Variants in MYO16 observed in about 807,000 individuals in gnomAD.
MYO16 encodes unconventional myosin-XVI.
MYO16 carries 94 observed loss-of-function variants against 205.3 expected under a neutral mutation model. The ratio of observed to expected loss-of-function variants is 0.46; its 90% CI spans 0.39 to 0.54. MYO16 has a LOEUF of 0.54. Among genes scored for constraint, MYO16 ranks in the 20% least tolerant of loss-of-function variants. The probability of loss-of-function intolerance (pLI) is 0.00; values close to 1 mark genes in which losing one functional copy is unlikely to be tolerated. For missense variants in MYO16, 2,315 were observed against 2,387.5 expected (o/e 0.97, Z 0.63); for synonymous variants, 988 against 954.0 (o/e 1.04, Z -0.66).
At chr13:108,523,111 A>T in the MYO16 span, among the ~76,000 whole-genome samples, 4 of 152,176 alleles carry the variant, frequency 2.6e-5, no homozygotes, top group Non-Finnish European at 5.9e-5. Flanking sequence ...ATGAGGTCTC[A>T]TGTGCAGTGG....
At chr13:108,563,920 C>G in the MYO16 span, among the ~76,000 whole-genome samples, 5 of 152,176 alleles carry the variant, frequency 3.3e-5, no homozygotes, top group African/African-American at 1.2e-4. Flanking sequence ...AAGCTCCAAA[C>G]TGCTCTCCAT....
the MYO16 span, among the ~76,000 whole-genome samples, chr13:108,503,964 T>A: frequency 8.0e-6 from 1 of 124,564 alleles, no homozygotes; most frequent in Non-Finnish European, 1.9e-5. Flanking sequence ...ATAGGTTTTA[T>A]TATTATTTTT....
chr13:108,627,479 T>TAATC (rs1879788099), upstream of MYO16, among the ~76,000 whole-genome samples: 1 of 152,186 alleles, frequency 6.6e-6, no homozygotes, highest in Non-Finnish European at 1.5e-5. Context: ...CTATCTTGAT[T>TAATC]GTCTCTATTT....
intron 27 of MYO16, among the ~76,000 whole-genome samples, chr13:109,084,402 AT>A (rs2139676675): frequency 6.6e-6 from 1 of 152,318 alleles, no homozygotes; most frequent in Non-Finnish European, 1.5e-5. Flanking sequence ...CCAGGTGCCA[AT>A]TAAAGTTACA....
intron 4 of MYO16, among the ~76,000 whole-genome samples, chr13:108,756,803 T>A (rs1210166196): frequency 6.6e-6 from 1 of 152,150 alleles, no homozygotes; most frequent in Non-Finnish European, 1.5e-5. Flanking sequence ...CCAGAAACAA[T>A]GTTTTACCAA....
chr13:108,624,160 T>G (rs1050335901), intron 1 of MYO16, among the ~76,000 whole-genome samples: 1 of 152,206 alleles, frequency 6.6e-6, no homozygotes, highest in Non-Finnish European at 1.5e-5. Flanking sequence ...TCATCCTTTT[T>G]GGGAAAATTA....
chr13:108,849,109 A>G (rs1776560006), intron 10 of MYO16, among the ~76,000 whole-genome samples: 1 of 152,200 alleles, frequency 6.6e-6, no homozygotes, highest in Non-Finnish European at 1.5e-5. Context: ...GAAGCGAAGT[A>G]AAGTATGTGT....
the MYO16 span, among the ~76,000 whole-genome samples, chr13:108,536,607 T>C: frequency 6.6e-6 from 1 of 152,110 alleles, no homozygotes; most frequent in African/African-American, 2.4e-5. Flanking sequence ...ACTCATCACT[T>C]AATAATGAAA....
intron 3 of MYO16, among the ~76,000 whole-genome samples, chr13:108,718,708 A>AT (rs1884044882): frequency 6.6e-6 from 1 of 152,018 alleles, no homozygotes; most frequent in Non-Finnish European, 1.5e-5. Context: ...CAGGGGTGCA[A>AT]TTCAAGATTC....
intron 27 of MYO16, among the ~76,000 whole-genome samples, chr13:109,099,214 T>G (rs971162698): frequency 2.0e-5 from 3 of 152,216 alleles, no homozygotes; most frequent in Non-Finnish European, 4.4e-5. Flanking sequence ...GCCTCTGCTC[T>G]TTTGTGACCC....
rs145613585 is a variant in MYO16, at chr13:108,754,040, A to G, written c.507+26457A>G. On this transcript the variant is annotated intron_variant, in intron 4 of 34. Transcript: ENST00000457511. The stretch of plus-strand genomic sequence containing the variant: ...GGTAAAGCAGTCATTGCGTTCTAGT[A>G]GAAATGTTGCTGTCACAGCACTCAG... 3.3e-3 allele frequency among the ~76,000 whole-genome samples: 498 copies of G among 152,376 alleles called. 4 individuals are homozygous for G. The highest frequency in any genetic ancestry group is 0.011 in the African/African-American group (475 of 41,590).
At chr13:108,815,240 G>A (rs1465813169) in intron 7 of MYO16, among the ~76,000 whole-genome samples, 3 of 152,168 alleles carry the variant, frequency 2.0e-5, no homozygotes, top group Admixed American at 6.6e-5. Flanking sequence ...TGGGAAGGCA[G>A]AATAGTGCCC....
chr13:108,827,032 G>A (rs1454151622), intron 9 of MYO16, among the ~76,000 whole-genome samples: 3 of 151,992 alleles, frequency 2.0e-5, no homozygotes, highest in African/African-American at 7.3e-5. Context: ...CTTCTCCTAG[G>A]GGCATTGTTT....
chr13:108,631,675 G>A (rs913309545), intron 1 of MYO16, among the ~76,000 whole-genome samples: 3 of 152,178 alleles, frequency 2.0e-5, no homozygotes, highest in Admixed American at 2.0e-4. Flanking sequence ...TGGAGAAATG[G>A]TGCGATGTGT....
At chr13:109,163,663 A>G (rs1381330940) in intron 32 of MYO16, among the ~76,000 whole-genome samples, 3 of 152,104 alleles carry the variant, frequency 2.0e-5, no homozygotes, top group East Asian at 1.9e-4. Context: ...ACTTTTCAGC[A>G]TGGAAATGAC....
chr13:109,193,296 G>T (rs1880005867), intron 34 of MYO16, among the ~76,000 whole-genome samples: 1 of 152,164 alleles, frequency 6.6e-6, no homozygotes, highest in Non-Finnish European at 1.5e-5. Flanking sequence ...AATAGGTTCA[G>T]CATTTTCTGA....
the MYO16 span, among the ~76,000 whole-genome samples, chr13:108,554,624 C>T: frequency 5.3e-5 from 8 of 152,094 alleles, no homozygotes; most frequent in East Asian, 1.9e-4. Flanking sequence ...CCGAGGCGGG[C>T]GGATCACGAT....
intron 4 of MYO16, among the ~76,000 whole-genome samples, chr13:108,757,873 G>A (rs2139650207): frequency 6.6e-6 from 1 of 152,312 alleles, no homozygotes; most frequent in South Asian, 2.1e-4. Flanking sequence ...TACAAACGGA[G>A]TCCTGTGGAT....
chr13:108,740,884 T>TA (rs1884883814), intron 4 of MYO16, among the ~76,000 whole-genome samples: 3 of 152,176 alleles, frequency 2.0e-5, no homozygotes, highest in African/African-American at 7.2e-5. Flanking sequence ...TATCTCAGGC[T>TA]GCTGTGCTAG....
Sources: allele counts gnomAD v4.1 joint callset (sites outside exome capture counted in the v4.1 genomes callset), GRCh38; gene constraint gnomAD v4.1.1; transcripts MANE v1.5; gene names NCBI Gene and HGNC (gene_info 2026-07-23, HGNC 2026-07-21).